DCAF6: variants seen among roughly 807,000 people sequenced by gnomAD.
The protein encoded by DCAF6 is DDB1- and CUL4-associated factor 6.
DCAF6 carries 54 observed loss-of-function variants against 125.1 expected under a neutral mutation model. The observed-to-expected ratio is 0.43, with a 90% CI of 0.35 to 0.54. The LOEUF (loss-of-function observed/expected upper bound fraction) is 0.54. Ranked by LOEUF, DCAF6 falls within the 20% of genes least tolerant of loss-of-function variation. The pLI is 0.01. For missense variants in DCAF6, 934 were observed against 1,161.7 expected, an observed-to-expected ratio of 0.80 and a Z score of 2.85; for synonymous variants, 371 against 390.4, an observed-to-expected ratio of 0.95 and a Z score of 0.58.
chr1:167,893,695 C>CA, the DCAF6 span, among the ~76,000 whole-genome samples: 1,663 of 69,422 alleles, frequency 0.024, 30 homozygotes, highest in Non-Finnish European at 0.032. Context: ...GACTCTGTCT[C>CA]AAAAAAAAAA....
chr1:167,915,668 C>G, the DCAF6 span, among the ~76,000 whole-genome samples: 1 of 152,202 alleles, frequency 6.6e-6, no homozygotes, highest in South Asian at 2.1e-4. Context: ...TCAGTCTTGT[C>G]GCGAACTCCT....
At chr1:167,875,882 G>A in the DCAF6 span, among the ~76,000 whole-genome samples, 2 of 152,244 alleles carry the variant, frequency 1.3e-5, no homozygotes, top group African/African-American at 2.4e-5. Context: ...GAACCCGGGA[G>A]GGGGAGCTTG....
At chr1:168,017,609 G>T (rs995149999) in intron 11 of DCAF6, among the ~76,000 whole-genome samples, 1 of 151,898 alleles carries the variant, frequency 6.6e-6, no homozygotes, top group South Asian at 2.1e-4. Context: ...ATCTAGTTTG[G>T]CAACAGTAGA....
chr1:167,909,224 A>G, the DCAF6 span, among the ~76,000 whole-genome samples: 2,118 of 152,276 alleles, frequency 0.014, 39 homozygotes, highest in African/African-American at 0.048. Flanking sequence ...TTCATTTTCA[A>G]TGCTATATAG....
chr1:167,875,412 C>T, the DCAF6 span, among the ~76,000 whole-genome samples: 2 of 90,498 alleles, frequency 2.2e-5, no homozygotes, highest in African/African-American at 1.2e-4. Context: ...TAGCATCTGG[C>T]ACATTGTTCA....
the DCAF6 span, among the ~76,000 whole-genome samples, chr1:167,895,055 C>T: frequency 7.3e-5 from 11 of 151,718 alleles, no homozygotes; most frequent in African/African-American, 2.2e-4. Flanking sequence ...GGTGGCACGC[C>T]TCTGTATTCC....
chr1:167,940,805 TAAA>T (rs968882858), intron 1 of DCAF6, among the ~76,000 whole-genome samples: 46 of 150,592 alleles, frequency 3.1e-4, no homozygotes, highest in African/African-American at 1.1e-3. Flanking sequence ...TAGTAATTGA[TAAA>T]AAAGTAATTT....
intron 4 of DCAF6, among the ~76,000 whole-genome samples, chr1:167,980,309 C>T (rs910564016): frequency 2.0e-5 from 3 of 151,984 alleles, no homozygotes; most frequent in Non-Finnish European, 2.9e-5. Context: ...TTCAAGATCC[C>T]GTTTCCAGTT....
the DCAF6 span, among the ~76,000 whole-genome samples, chr1:167,892,613 T>C: frequency 1.3e-5 from 2 of 152,130 alleles, no homozygotes; most frequent in African/African-American, 4.8e-5. Flanking sequence ...TGGGGTGACT[T>C]TTTTAAGCTT....
intron 10 of DCAF6, among the ~76,000 whole-genome samples, chr1:168,005,288 T>C (rs1057200609): frequency 6.6e-6 from 1 of 152,138 alleles, no homozygotes; most frequent in African/African-American, 2.4e-5. Context: ...CCAAAAAATT[T>C]GTTTCTCTAG....
At chr1:167,975,790 C>T (rs530313185) in intron 4 of DCAF6, among the ~76,000 whole-genome samples, 1 of 152,266 alleles carries the variant, frequency 6.6e-6, no homozygotes, top group East Asian at 1.9e-4. Flanking sequence ...TGAGTTCATA[C>T]AATCCTCCCA....
intron 1 of DCAF6, among the ~76,000 whole-genome samples, chr1:167,945,289 T>G (rs1571593213): frequency 6.6e-6 from 1 of 152,184 alleles, no homozygotes. Context: ...AGGGATTGTA[T>G]AGAATATGTA....
the DCAF6 span, among the ~76,000 whole-genome samples, chr1:167,865,437 A>T: frequency 6.6e-6 from 1 of 152,254 alleles, no homozygotes; most frequent in Admixed American, 6.5e-5. Context: ...AAGGTTAAAA[A>T]GAGTCTGTAA....
chr1:167,939,565 C>T (rs1031271026), intron 1 of DCAF6, among the ~76,000 whole-genome samples: 1 of 152,112 alleles, frequency 6.6e-6, no homozygotes, highest in African/African-American at 2.4e-5. Context: ...AGTTTGAGAC[C>T]GGCCTGGCCA....
chr1:167,882,322 T>TA, the DCAF6 span, among the ~76,000 whole-genome samples: 1 of 151,810 alleles, frequency 6.6e-6, no homozygotes, highest in Admixed American at 6.6e-5. Flanking sequence ...TCATCTCTAC[T>TA]AAAAATACAA....
chr1:168,074,108 G>C (rs140374328), intron 21 of DCAF6, among the ~76,000 whole-genome samples: 1 of 151,580 alleles, frequency 6.6e-6, no homozygotes, highest in East Asian at 2.0e-4. Flanking sequence ...TATGTCATTG[G>C]TTTGACATTG....
chr1:167,950,283 A>G (rs1384386457), intron 1 of DCAF6, among the ~76,000 whole-genome samples: 1 of 152,206 alleles, frequency 6.6e-6, no homozygotes, highest in Non-Finnish European at 1.5e-5. Context: ...CAATCCTTTG[A>G]CCAAAATGAA....
At chr1:167,896,946 T>A in the DCAF6 span, among the ~76,000 whole-genome samples, 1 of 152,218 alleles carries the variant, frequency 6.6e-6, no homozygotes, top group Admixed American at 6.5e-5. Flanking sequence ...ACTAATCTTA[T>A]ACTTTTCTGC....
chr1:167,936,058 GC>G, upstream of DCAF6: 2 of 586,760 alleles, frequency 3.4e-6, no homozygotes. Flanking sequence ...CCGACTGCCA[GC>G]CCCCGGTCCG....
Sources: gnomAD v4.1 joint callset for allele counts (sites outside exome capture counted in the v4.1 genomes callset) on GRCh38, gnomAD v4.1.1 for gene constraint, MANE v1.5 for transcripts, NCBI Gene and HGNC (gene_info 2026-07-23, HGNC 2026-07-21) for gene names.